DPYSL5: variants seen among roughly 807,000 people sequenced by gnomAD.
DPYSL5 encodes dihydropyrimidinase like 5, also known as dihydropyrimidinase-related protein 5.
A neutral mutation model predicts 58.4 loss-of-function variants in DPYSL5; 9 were observed. That is an observed-to-expected ratio of 0.15 (90% CI 0.09 to 0.27). The LOEUF (loss-of-function observed/expected upper bound fraction) is 0.27, where lower values mean the gene tolerates loss of function less well. Ranked by LOEUF, DPYSL5 falls within the 10% of genes least tolerant of loss-of-function variation. The probability of loss-of-function intolerance (pLI) is 1.00; values close to 1 mark genes in which losing one functional copy is unlikely to be tolerated. For synonymous variants in DPYSL5, 293 were observed against 301.9 expected (o/e 0.97, Z 0.31); for missense variants, 499 against 770.6 (o/e 0.65, Z 4.17).
intron 2 of DPYSL5, among the ~76,000 whole-genome samples, chr2:26,922,451 G>A (rs559171667): frequency 6.6e-6 from 1 of 152,334 alleles, no homozygotes; most frequent in South Asian, 2.1e-4. Context: ...CTGTGTAATG[G>A]TTTTTTAGCT....
At chr2:26,863,728 T>C (rs1666074871) in intron 1 of DPYSL5, among the ~76,000 whole-genome samples, 1 of 152,090 alleles carries the variant, frequency 6.6e-6, no homozygotes, top group South Asian at 2.1e-4. Flanking sequence ...TCCACTACCA[T>C]CTCTTCCCCA....
chr2:26,919,299 C>T (rs1405636381), intron 2 of DPYSL5, among the ~76,000 whole-genome samples: 1 of 152,120 alleles, frequency 6.6e-6, no homozygotes, highest in Non-Finnish European at 1.5e-5. Context: ...CAGGTTCCTG[C>T]GCCTTGCCAA....
chr2:26,893,700 A>T (rs1663944249), intron 1 of DPYSL5, among the ~76,000 whole-genome samples: 1 of 152,096 alleles, frequency 6.6e-6, no homozygotes, highest in Admixed American at 6.6e-5. Context: ...GACAAAGATG[A>T]CTGATAGGAC....
intron 1 of DPYSL5, among the ~76,000 whole-genome samples, chr2:26,848,987 G>C (rs965274424): frequency 6.6e-6 from 1 of 152,186 alleles, no homozygotes; most frequent in Non-Finnish European, 1.5e-5. Flanking sequence ...CCTGGGGACG[G>C]GGCTGTAGTC....
At chr2:26,860,063 G>A (rs1558320399) in intron 1 of DPYSL5, among the ~76,000 whole-genome samples, 1 of 152,174 alleles carries the variant, frequency 6.6e-6, no homozygotes, top group Non-Finnish European at 1.5e-5. Flanking sequence ...TCAAGCCTCA[G>A]TTTCCTTGTG....
In DPYSL5 at chr2:26,924,934, C is replaced by G. The variant is rs757282159; in HGVS notation, c.309C>G (p.Pro103=). Residue 103 remains proline, a synonymous_variant, in exon 3 of 13, where the codon CCC becomes CCG. Transcript: ENST00000288699. This position sits in a 1 kb window ranked among gnomAD's most constrained non-coding sequence, Gnocchi z 4.7. ...GTTMIIGHVL[P]DKETSLVDAY... is the part of the protein sequence containing the mutation. ...CCATGATCATCGGCCACGTCCTGCC[C>G]GACAAGGAGACCTCCCTTGTGGACG... is the stretch of plus-strand genomic sequence containing the variant. 1.5e-5 allele frequency: 25 copies of G among 1,614,018 alleles called. No individual in the cohort carries two copies. The highest frequency in any genetic ancestry group is 3.3e-5 in the Admixed American group (2 of 59,992).
In DPYSL5 at chr2:26,898,861, G is replaced by A; in HGVS notation, c.261+101G>A. On this transcript the variant is annotated intron_variant, in intron 2 of 12. Transcript: ENST00000288699. The surrounding 1 kb of genome is among the most constrained non-coding windows in gnomAD (Gnocchi z 6.1). The stretch of plus-strand genomic sequence containing the variant: ...CTCATGTGAGCCAGGTGCTCCCAGT[G>A]TATTGCTGGCAGGAGAAGGGTGTGT... 7.0e-7 allele frequency: 1 copy of A among 1,429,266 alleles called. No homozygotes were observed. The highest frequency in any genetic ancestry group is 1.4e-5 in the South Asian group (1 of 70,108). 88.5% of individuals were successfully genotyped at this position (1,429,266 alleles called of 1,614,324 possible).
At chr2:26,936,137 C>T (rs1665169307) in intron 8 of DPYSL5, among the ~76,000 whole-genome samples, 1 of 152,198 alleles carries the variant, frequency 6.6e-6, no homozygotes, top group African/African-American at 2.4e-5. Flanking sequence ...GGAAGCCCCA[C>T]TCAACTCAGG....
At chr2:26,850,125 C>A (rs1348236193) in intron 1 of DPYSL5, among the ~76,000 whole-genome samples, 1 of 152,156 alleles carries the variant, frequency 6.6e-6, no homozygotes, top group African/African-American at 2.4e-5. Flanking sequence ...GGTCAAATTG[C>A]GGAGAAGCGG....
chr2:26,943,554 TGC>T (rs1251479384), intron 11 of DPYSL5, among the ~76,000 whole-genome samples: 4 of 152,202 alleles, frequency 2.6e-5, no homozygotes, highest in Non-Finnish European at 5.9e-5. Flanking sequence ...TGAGCCACTG[TGC>T]GCGGCCCAAT....
At chr2:26,873,671 G>A (rs926790482) in intron 1 of DPYSL5, among the ~76,000 whole-genome samples, 2 of 152,218 alleles carry the variant, frequency 1.3e-5, no homozygotes, top group African/African-American at 2.4e-5. Flanking sequence ...TCTGTATGGT[G>A]CATAAGCTAC....
chr2:26,911,030 G>A (rs1057398398), intron 2 of DPYSL5, among the ~76,000 whole-genome samples: 1 of 144,936 alleles, frequency 6.9e-6, no homozygotes, highest in South Asian at 2.2e-4. Flanking sequence ...TTCAGTCTAT[G>A]ATCTGTTTTA....
chr2:26,852,804 T>C (rs1161410429), intron 1 of DPYSL5, among the ~76,000 whole-genome samples: 3 of 152,202 alleles, frequency 2.0e-5, no homozygotes, highest in Admixed American at 6.5e-5. Context: ...CTTAACAGTA[T>C]CTACATCTGG....
rs967160505 is a variant in DPYSL5 at position 26,849,387 on chromosome 2, G to T, written c.-5+1133G>T. On this transcript the variant is annotated intron_variant, in intron 1 of 12. Transcript: ENST00000288699. The surrounding 1 kb of genome is among the most constrained non-coding windows in gnomAD (Gnocchi z 6.2). ...GCTGAGAGGCGGTCTCGGGCCCGAG[G>T]ATCCTCAGCTCCAGGCGCGGGGCCC... Among the ~76,000 whole-genome samples the T allele has an allele frequency of 5.9e-5, 9 of 152,052 alleles. No homozygotes were observed. The highest frequency in any genetic ancestry group is 2.2e-4 in the African/African-American group (9 of 41,434).
intron 2 of DPYSL5, among the ~76,000 whole-genome samples, chr2:26,916,405 T>G (rs1329781289): frequency 6.6e-6 from 1 of 152,134 alleles, no homozygotes; most frequent in Non-Finnish European, 1.5e-5. Context: ...GGGCCAGACA[T>G]GTCCAGGGAT....
rs763298547 is a variant in DPYSL5 at position 26,942,565 on chromosome 2, G to T, written c.1255G>T (p.Val419Phe). 1.2e-6 allele frequency: 2 copies of T among 1,613,998 alleles called. No individual in the cohort carries two copies. The highest frequency in any genetic ancestry group is 2.7e-5 in the African/African-American group (2 of 74,934). ...CAGGACCATCTCAGCCAGCACGCAG[G>T]TCCAGGGAGGAGACTTCAACCTGTA... is the stretch of plus-strand genomic sequence containing the variant. Reference protein sequence around the residue: ...ATKTISASTQVQGGDFNLYEN... With the variant: ...ATKTISASTQFQGGDFNLYEN... The change falls in exon 11 of 13, where the codon GTC becomes TTC. Residue 419 changes from valine to phenylalanine, a missense_variant. By Grantham distance (50) the Val-to-Phe change is conservative. Coordinates refer to ENST00000288699, the MANE Select transcript of DPYSL5 (RefSeq NM_020134.4). This position sits in a 1 kb window ranked among gnomAD's most constrained non-coding sequence, Gnocchi z 5.9.
At chr2:26,868,199 G>A (rs1663162424) in intron 1 of DPYSL5, among the ~76,000 whole-genome samples, 1 of 152,160 alleles carries the variant, frequency 6.6e-6, no homozygotes, top group Non-Finnish European at 1.5e-5. Context: ...TCTCTTGGTT[G>A]TTTGTCTTTT....
At chr2:26,882,136 C>T (rs1300361800) in intron 1 of DPYSL5, among the ~76,000 whole-genome samples, 3 of 151,168 alleles carry the variant, frequency 2.0e-5, no homozygotes, top group Non-Finnish European at 4.4e-5. Flanking sequence ...TTGGTTTGTC[C>T]CAGACAAGGG....
At chr2:26,912,216 C>T (rs1387445279) in intron 2 of DPYSL5, among the ~76,000 whole-genome samples, 1 of 152,222 alleles carries the variant, frequency 6.6e-6, no homozygotes, top group Admixed American at 6.5e-5. Context: ...AAAGCAGCGT[C>T]CCAGAGAGGT....
Sources: gnomAD v4.1 joint callset for allele counts (sites outside exome capture counted in the v4.1 genomes callset) on GRCh38, gnomAD v4.1.1 for gene constraint, Gnocchi (gnomAD v3.1) non-coding constraint, MANE v1.5 for transcripts, NCBI Gene and HGNC (gene_info 2026-07-23, HGNC 2026-07-21) for gene names.